The following PARP14 variants were observed in gnomAD, a reference collection of about 807,000 sequenced individuals.
The protein encoded by PARP14 is protein mono-ADP-ribosyltransferase PARP14.
Under a neutral mutation model 154.2 loss-of-function variants are expected in PARP14, and 59 were observed. The observed-to-expected ratio is 0.38, with a 90% CI of 0.31 to 0.48. PARP14 has a LOEUF of 0.48. Among genes scored for constraint, PARP14 ranks in the 20% least tolerant of loss-of-function variants. The pLI, the probability that PARP14 is intolerant of heterozygous loss-of-function variation, is 0.98. For missense variants in PARP14, 1,734 were observed against 2,131.6 expected, an observed-to-expected ratio of 0.81 and a Z score of 3.67; for synonymous variants, 720 against 780.5, an observed-to-expected ratio of 0.92 and a Z score of 1.29.
intron 15 of PARP14, among the ~76,000 whole-genome samples, chr3:122,724,267 G>C (rs1361020944): frequency 1.3e-5 from 2 of 151,648 alleles, no homozygotes; most frequent in Non-Finnish European, 2.9e-5. Flanking sequence ...TTTGTGGCTA[G>C]AGCTAAGAAA....
chr3:122,689,653 G>A (rs373865379), intron 3 of PARP14, among the ~76,000 whole-genome samples: 121 of 152,040 alleles, frequency 8.0e-4, no homozygotes, highest in African/African-American at 2.8e-3. Context: ...CTCTCACCAC[G>A]GGCCCTTCCT....
At chr3:122,702,341 C>T (rs1279764250) in intron 6 of PARP14, among the ~76,000 whole-genome samples, 8 of 152,110 alleles carry the variant, frequency 5.3e-5, no homozygotes, top group Non-Finnish European at 1.0e-4. Context: ...CTCAGCCTCC[C>T]GAGTAGCTGG....
intron 5 of PARP14, among the ~76,000 whole-genome samples, chr3:122,697,457 C>G (rs1011217727): frequency 6.6e-6 from 1 of 152,182 alleles, no homozygotes; most frequent in African/African-American, 2.4e-5. Context: ...CTTGGGTATT[C>G]TGGTCCCATA....
At chr3:122,721,031 C>G in intron 15 of PARP14, 1 of 319,294 alleles carries the variant, frequency 3.1e-6, no homozygotes, top group South Asian at 2.3e-5. Context: ...CTTGACTTCT[C>G]TAGCAAAATT....
At position 122,718,947 on chromosome 3, in the gene PARP14, C is replaced by A. The variant is rs200872488; in HGVS notation, c.4796C>A (p.Thr1599Lys). The A allele has an allele frequency of 1.8e-4, 287 of 1,576,398 alleles. No homozygotes were observed. The highest frequency in any genetic ancestry group is 2.3e-4 in the Non-Finnish European group (263 of 1,162,750). Residue 1599 changes from threonine (T) to lysine (K), a missense_variant, in exon 14 of 17, where the codon ACG becomes AAG. Physicochemically the swap from Thr to Lys is moderately conservative, Grantham distance 78. Transcript: ENST00000474629. ...CACAGTTTATCTGTTCAGCGCCTCA[C>A]GAAATCCAAAGGTGAGTTAAACATT... ...KGHSLSVQRL[T>K]KSKVDIPAHW...
At chr3:122,692,632 T>C in intron 4 of PARP14, 89 bp downstream of exon 4, 1 of 1,163,438 alleles carries the variant, frequency 8.6e-7, no homozygotes, top group Non-Finnish European at 1.2e-6. Context: ...CTCTGAAAGT[T>C]TGACTCTTTC....
chr3:122,704,467 T>A, intron 7 of PARP14, 60 bp from the exon 8 acceptor site: 1 of 1,096,086 alleles, frequency 9.1e-7, no homozygotes, highest in Non-Finnish European at 1.3e-6. Flanking sequence ...ATTCTTGTCC[T>A]TTTTGTTCTA....
Position 122,695,453 on chromosome 3 carries a change from C to A in PARP14, c.626C>A (p.Thr209Asn). The change falls in exon 5 of 17, where the codon ACC (threonine) becomes AAC (asparagine). Residue 209 changes from threonine to asparagine, a missense_variant. Thr to Asn is a moderately conservative substitution (Grantham distance 65). This residue lies in a region of PARP14 where 1,646 missense variants were observed against 1,976.0 expected (regional missense o/e 0.83). Coordinates refer to ENST00000474629, the MANE Select transcript of PARP14 (RefSeq NM_017554.3). ...IDTIRFVDDCTKHHSIKQLQL... is the reference protein window; with the variant it reads ...IDTIRFVDDCNKHHSIKQLQL... ...ACTATAAGATTTGTTGATGATTGTA[C>A]CAAGCACCATTCAATTAAACAACTT... 1 of 1,584,592 alleles carries A rather than the reference C, an allele frequency of 6.3e-7. No homozygotes were observed. The highest frequency in any genetic ancestry group is 8.6e-7 in the Non-Finnish European group (1 of 1,157,432).
chr3:122,727,864 A>T lies in PARP14; in HGVS notation c.4994A>T (p.Lys1665Ile). ...DLWNSYQAKKKTMDAKNGQTM... is the reference protein window; with the variant it reads ...DLWNSYQAKKITMDAKNGQTM... ...TGGAATAGCTACCAGGCAAAGAAAAAAACTATGGATGCCAAGAATGGCCAG... is the reference window on the plus strand; with the variant it reads ...TGGAATAGCTACCAGGCAAAGAAAATAACTATGGATGCCAAGAATGGCCAG... Residue 1665 changes from lysine (K) to isoleucine (I), a missense_variant, in exon 16 of 17, where the codon AAA becomes ATA. By Grantham distance (102) the Lys-to-Ile change is moderately radical. Transcript: ENST00000474629. 1 of 1,613,570 alleles carries T rather than the reference A, an allele frequency of 6.2e-7. No homozygotes were observed. The highest frequency in any genetic ancestry group is 8.5e-7 in the Non-Finnish European group (1 of 1,179,544).
At chr3:122,706,892 T>C (rs1344458311) in intron 8 of PARP14, among the ~76,000 whole-genome samples, 1 of 152,016 alleles carries the variant, frequency 6.6e-6, no homozygotes, top group Admixed American at 6.6e-5. Context: ...CCAAAAATCA[T>C]GACTCCTCAG....
chr3:122,714,119 C>A, intron 11 of PARP14, 143 bp from the exon 12 acceptor site: 1 of 773,752 alleles, frequency 1.3e-6, no homozygotes, highest in Non-Finnish European at 2.1e-6. Flanking sequence ...AAAGTTAAGT[C>A]ATAGCATTCC....
At chr3:122,694,496 G>T (rs1356893486) in intron 4 of PARP14, among the ~76,000 whole-genome samples, 2 of 152,074 alleles carry the variant, frequency 1.3e-5, no homozygotes, top group African/African-American at 4.8e-5. Context: ...TCAGATCCTA[G>T]CACAGTGCCT....
At position 122,708,216 on chromosome 3, in the gene PARP14, G is replaced by C; in HGVS notation, c.3567G>C (p.Arg1189Ser). Reference protein sequence around the residue: ...IQAFSDEFARRANGNLVSDKI... With the variant: ...IQAFSDEFARSANGNLVSDKI... ...CATTTTCAGATGAATTTGCCAGAAG[G>C]GCTAATGGAAATCTCGTCAGTGACA... is the stretch of plus-strand genomic sequence containing the variant. The change falls in exon 9 of 17, where the codon AGG becomes AGC. Residue 1189 changes from arginine (R) to serine (S), a missense_variant. Around this residue, in one of 2 missense-constraint regions of PARP14, gnomAD observed 1,646 missense variants for 1,976.0 expected, o/e 0.83. Coordinates refer to ENST00000474629, the MANE Select transcript of PARP14 (RefSeq NM_017554.3). 1 of 1,572,330 alleles carries C rather than the reference G, an allele frequency of 6.4e-7. No individual in the cohort carries two copies. The highest frequency in any genetic ancestry group is 8.7e-7 in the Non-Finnish European group (1 of 1,155,624).
At chr3:122,725,714 T>G (rs1485899007) in intron 15 of PARP14, among the ~76,000 whole-genome samples, 2 of 152,164 alleles carry the variant, frequency 1.3e-5, no homozygotes, top group Admixed American at 1.3e-4. Flanking sequence ...TATACTTGAG[T>G]TTTGCTTTTC....
chr3:122,715,643 T>G (rs538668458), intron 12 of PARP14, among the ~76,000 whole-genome samples: 2,086 of 148,974 alleles, frequency 0.014, 17 homozygotes, highest in Non-Finnish European at 0.024. Flanking sequence ...TCTATCTATC[T>G]ATCTATCTAT....
chr3:122,686,134 ATGTTTTATTTGTATT>A (rs1233588644), intron 2 of PARP14, among the ~76,000 whole-genome samples: 1 of 152,150 alleles, frequency 6.6e-6, no homozygotes, highest in Non-Finnish European at 1.5e-5. Context: ...CACTCAGTAA[ATGTTTTATTTGTATT>A]TGTTTTATTT....
intron 9 of PARP14, among the ~76,000 whole-genome samples, chr3:122,709,104 A>G (rs56261475): frequency 5.3e-4 from 81 of 152,202 alleles, no homozygotes; most frequent in Middle Eastern, 3.4e-3. Flanking sequence ...TTTTGGTTAC[A>G]TGGATAAATT....
chr3:122,724,270 C>G (rs1933230005), intron 15 of PARP14, among the ~76,000 whole-genome samples: 3 of 150,980 alleles, frequency 2.0e-5, no homozygotes, highest in Admixed American at 6.6e-5. Flanking sequence ...GTGGCTAGAG[C>G]TAAGAAAATC....
chr3:122,695,675 A>T lies in PARP14; in HGVS notation c.835+13A>T, dbSNP rs948904049. ...TTTGACAGAAAAGGTAATATTTATT[A>T]ACCTGTCATACCTGGCATAATCTAG... On this transcript the variant is annotated intron_variant, in intron 5 of 16. Coordinates refer to ENST00000474629, the MANE Select transcript of PARP14 (RefSeq NM_017554.3). The T allele has an allele frequency of 5.6e-6, 7 of 1,244,538 alleles. No individual in the cohort carries two copies. The highest frequency in any genetic ancestry group is 8.2e-6 in the Non-Finnish European group (7 of 853,644). The allele number at this position is 1,244,538 out of a possible 1,614,324, so 77.1% of individuals were successfully genotyped here.
Sources: gnomAD v4.1 joint callset for allele counts (sites outside exome capture counted in the v4.1 genomes callset) on GRCh38, gnomAD v4.1.1 for gene constraint, gnomAD v4.1.1 regional missense constraint, MANE v1.5 for transcripts, NCBI Gene and HGNC (gene_info 2026-07-23, HGNC 2026-07-21) for gene names.